Variants in MED23 observed in about 807,000 individuals in gnomAD.
MED23 encodes the protein mediator complex subunit 23.
Under a neutral mutation model 163.9 loss-of-function variants are expected in MED23, and 105 were observed. The ratio of observed to expected loss-of-function variants is 0.64; its 90% CI spans 0.55 to 0.75. The LOEUF (loss-of-function observed/expected upper bound fraction) is 0.75. Ranked by LOEUF, MED23 falls within the 30% of genes least tolerant of loss-of-function variation. The pLI, the probability that MED23 is intolerant of heterozygous loss-of-function variation, is 0.00. For synonymous variants in MED23, 561 were observed against 565.6 expected, an observed-to-expected ratio of 0.99 and a Z score of 0.12; for missense variants, 1,054 against 1,649.0, an observed-to-expected ratio of 0.64 and a Z score of 6.25.
chr6:131,621,111 G>A (rs974435900), intron 6 of MED23, among the ~76,000 whole-genome samples: 1 of 152,018 alleles, frequency 6.6e-6, no homozygotes, highest in Admixed American at 6.6e-5. Context: ...CCATGTGAGC[G>A]TTTTAAACAC....
chr6:131,574,190 T>C, exon 31 of MED23: 1 of 1,334,516 alleles, frequency 7.5e-7, no homozygotes, highest in Non-Finnish European at 1.1e-6. Context: ...CAAGACAATG[T>C]ATGAGTTGAA....
intron 30 of MED23, chr6:131,578,975 G>C: frequency 9.8e-7 from 1 of 1,020,326 alleles, no homozygotes; most frequent in Non-Finnish European, 1.4e-6. Context: ...ACCTTCCCAA[G>C]ATTTACAGAC....
intron 22 of MED23, among the ~76,000 whole-genome samples, chr6:131,595,187 T>A (rs1263714903): frequency 6.6e-6 from 1 of 152,186 alleles, no homozygotes; most frequent in Non-Finnish European, 1.5e-5. Flanking sequence ...CTCCAGTAAC[T>A]ATGCTTAAAA....
downstream of MED23, chr6:131,582,830 C>T: frequency 1.2e-6 from 1 of 868,748 alleles, no homozygotes; most frequent in Non-Finnish European, 1.9e-6. Flanking sequence ...CACACACACA[C>T]ATGCCCACAC....
At chr6:131,621,839 T>C in intron 6 of MED23, 42 bp downstream of exon 6, 3 of 1,401,096 alleles carry the variant, frequency 2.1e-6, no homozygotes, top group Non-Finnish European at 2.0e-6. Context: ...AGCTAGACTT[T>C]TTTGAGGTTA....
Position 131,590,442 on chromosome 6 carries a change from C to A in MED23, c.3687G>T (p.Lys1229Asn). The A allele has an allele frequency of 6.2e-7, 1 of 1,601,972 alleles. No individual in the cohort carries two copies. The highest frequency in any genetic ancestry group is 8.5e-7 in the Non-Finnish European group (1 of 1,170,060). Residue 1229 changes from lysine to asparagine, a missense_variant and splice_region_variant, in exon 27 of 29, where the codon AAG (lysine) becomes AAT (asparagine). Transcript: ENST00000368068. ...SSIGQLSLIPKFLTEVLLPIV... is the reference protein window; with the variant it reads ...SSIGQLSLIPNFLTEVLLPIV... Reference sequence around the variant, plus strand: ...TAGGAAGAAGTACTTCAGTAAGAAACCTAAAATTTGAAGATAAAAATCTCC... The same window carrying A: ...TAGGAAGAAGTACTTCAGTAAGAAAACTAAAATTTGAAGATAAAAATCTCC...
At chr6:131,610,506 G>A (rs1776205819) in intron 10 of MED23, among the ~76,000 whole-genome samples, 1 of 152,072 alleles carries the variant, frequency 6.6e-6, no homozygotes. Flanking sequence ...GGACATCATT[G>A]TTTCAATTTG....
chr6:131,582,866 C>G (rs1368553697), downstream of MED23: 2 of 774,256 alleles, frequency 2.6e-6, no homozygotes, highest in African/African-American at 3.5e-5. Context: ...CATGTACATA[C>G]ATATGTATGT....
rs1390784876 is a variant in MED23 at position 131,586,824 on chromosome 6, G to C, written c.*855C>G. ...TGCCAATTCCCCCAAAATTAACAAT[G>C]TCTCTCAAAATCCAAGAAATAAAAT... On this transcript the variant is annotated 3_prime_UTR_variant, in exon 29 of 29. Coordinates refer to ENST00000368068, the MANE Select transcript of MED23 (RefSeq NM_004830.4). The C allele has an allele frequency of 2.6e-6, 4 of 1,517,938 alleles. No homozygotes were observed. Among genetic ancestry groups the C allele is most frequent in the Non-Finnish European group, 3.6e-6 (4 of 1,124,790 alleles). The allele number at this position is 1,517,938 out of a possible 1,614,324, so 94.0% of individuals were successfully genotyped here.
At chr6:131,574,267 GA>G in exon 31 of MED23, 2 of 1,613,900 alleles carry the variant, frequency 1.2e-6, no homozygotes, top group Non-Finnish European at 1.7e-6. Flanking sequence ...TCTTAATTTG[GA>G]ACCCTTGCTG....
At chr6:131,628,294 C>T, upstream of MED23, 1 of 552,000 alleles carries the variant, frequency 1.8e-6, no homozygotes, top group South Asian at 2.1e-5. Context: ...CCAGCGGCGC[C>T]ACCAGAAGGT....
At chr6:131,627,701 A>C in intron 1 of MED23, 29 bp from the exon 2 acceptor site, 1 of 1,580,696 alleles carries the variant, frequency 6.3e-7, no homozygotes, top group Non-Finnish European at 8.6e-7. Context: ...CAAAATGTAA[A>C]CAATGTTAAT....
In MED23 at chr6:131,596,660, G is replaced by T; in HGVS notation, c.2636C>A (p.Ala879Asp). 6.2e-7 allele frequency: 1 copy of T among 1,614,050 alleles called. No homozygotes were observed. Among genetic ancestry groups the T allele is most frequent in the Non-Finnish European group, 8.5e-7 (1 of 1,180,004 alleles). ...CTGAATTATGAAATAACAAACCTGG[G>T]CTTCATTTCCTTCGTGACTACGCAT... ...LAMRSHEGNE[A>D]QVCYFIIQLL... Residue 879 changes from alanine to aspartate, a missense_variant, in exon 21 of 29, where the codon GCC becomes GAC. This residue lies in a region of MED23 where 228 missense variants were observed against 461.3 expected (regional missense o/e 0.49). Coordinates refer to ENST00000368068, the MANE Select transcript of MED23 (RefSeq NM_004830.4).
chr6:131,602,408 T>C (rs2114654374), intron 16 of MED23, 27 bp from the exon 17 acceptor site: 1 of 1,605,622 alleles, frequency 6.2e-7, no homozygotes, highest in African/African-American at 1.3e-5. Context: ...TAAAAAGAAA[T>C]GTAAAAAAAT....
intron 10 of MED23, among the ~76,000 whole-genome samples, chr6:131,614,028 A>T (rs1776470455): frequency 6.6e-6 from 1 of 152,200 alleles, no homozygotes; most frequent in Non-Finnish European, 1.5e-5. Flanking sequence ...TAGTTTTAAA[A>T]CATAGCATGA....
intron 15 of MED23, 76 bp downstream of exon 15, chr6:131,604,102 C>A: frequency 6.7e-7 from 1 of 1,495,440 alleles, no homozygotes; most frequent in South Asian, 1.1e-5. Flanking sequence ...TCTGCTGTGT[C>A]CCCAGGACCT....
intron 24 of MED23, 63 bp downstream of exon 24, chr6:131,592,943 A>T: frequency 1.3e-6 from 2 of 1,594,960 alleles, no homozygotes. Context: ...AAAAGTTTGA[A>T]ATAGAATACC....
intron 30 of MED23, among the ~76,000 whole-genome samples, chr6:131,580,299 A>AT (rs1773854060): frequency 6.6e-6 from 1 of 152,156 alleles, no homozygotes; most frequent in Non-Finnish European, 1.5e-5. Flanking sequence ...TTAAGTGGAA[A>AT]TTTTAGGAAT....
At chr6:131,590,516 T>C (rs887595003) in intron 26 of MED23, 74 bp from the exon 27 acceptor site, 25 of 927,412 alleles carry the variant, frequency 2.7e-5, no homozygotes, top group Non-Finnish European at 3.6e-5. Context: ...ATACAGTATA[T>C]ACAAAGTATT....
Sources: gnomAD v4.1 joint callset for allele counts (sites outside exome capture counted in the v4.1 genomes callset) on GRCh38, gnomAD v4.1.1 for gene constraint, gnomAD v4.1.1 regional missense constraint, MANE v1.5 for transcripts, NCBI Gene and HGNC (gene_info 2026-07-23, HGNC 2026-07-21) for gene names.